Variants in C1orf159 observed in about 807,000 individuals in gnomAD.
The protein encoded by C1orf159 is uncharacterized protein C1orf159.
A neutral mutation model predicts 25.6 loss-of-function variants in C1orf159; 19 were observed. The ratio of observed to expected loss-of-function variants is 0.74; its 90% CI spans 0.52 to 1.09. C1orf159 has a LOEUF of 1.09. C1orf159 is among the 50% of genes least tolerant of loss of function. The pLI is 0.00. For missense variants in C1orf159, 274 were observed against 290.6 expected (o/e 0.94, Z 0.42); for synonymous variants, 139 against 124.7 (o/e 1.12, Z -0.77).
chr1:1,083,181 A>G, intron 9 of C1orf159, 194 bp from the exon 10 acceptor site: 2 of 554,908 alleles, frequency 3.6e-6, no homozygotes, highest in East Asian at 3.1e-5. Context: ...CGGGAAAGGG[A>G]CGGCTTCCTC....
chr1:1,093,941 T>TAC (rs1645975769), intron 1 of C1orf159, among the ~76,000 whole-genome samples: 1 of 152,042 alleles, frequency 6.6e-6, no homozygotes, highest in Non-Finnish European at 1.5e-5. Flanking sequence ...TGTGCAGGAG[T>TAC]ATCTCTGTGT....
intron 1 of C1orf159, among the ~76,000 whole-genome samples, chr1:1,099,472 T>C (rs1380095890): frequency 1.4e-3 from 119 of 85,158 alleles, no homozygotes; most frequent in African/African-American, 9.8e-3. Flanking sequence ...TTCTAAGAAT[T>C]GCAGAGAGAG....
At chr1:1,083,918 GC>G in intron 9 of C1orf159, 1 of 1,581,966 alleles carries the variant, frequency 6.3e-7, no homozygotes, top group Non-Finnish European at 8.6e-7. Context: ...TCCTAACCGG[GC>G]TGACTCTTGG....
At chr1:1,105,330 G>A (rs1200975427) in intron 1 of C1orf159, among the ~76,000 whole-genome samples, 2 of 151,842 alleles carry the variant, frequency 1.3e-5, no homozygotes, top group Non-Finnish European at 2.9e-5. Flanking sequence ...AGACCGGCCT[G>A]GGCAATACAC....
At position 1,115,362 on chromosome 1, in the gene C1orf159, A is replaced by G. The variant is rs111900316; in HGVS notation, c.-136+698T>C. ...AAACAAATCCTAAAGCCTCGCGGGA[A>G]AAAGACCTGAATCGTGGCCGACTTC... is the stretch of plus-strand genomic sequence containing the variant. On this transcript the variant is annotated intron_variant, in intron 1 of 9. Transcript: ENST00000421241. Among the ~76,000 whole-genome samples, 638 of 152,292 alleles carry G rather than the reference A, an allele frequency of 4.2e-3. 5 individuals carry two copies. The highest frequency in any genetic ancestry group is 0.014 in the African/African-American group (602 of 41,560).
At chr1:1,107,917 AAC>A (rs1423538053) in intron 1 of C1orf159, among the ~76,000 whole-genome samples, 8 of 152,194 alleles carry the variant, frequency 5.3e-5, no homozygotes, top group African/African-American at 1.9e-4. Flanking sequence ...AGAAACTCCA[AAC>A]ACATCTGAAC....
chr1:1,114,755 C>T lies in C1orf159; in HGVS notation c.-136+1305G>A, dbSNP rs79140264. Reference sequence around the variant, plus strand: ...CGCATCACTGAACATCCCAGGCGGCCGCCCCTACCCTGGGGCTCAAAACCG... The same window carrying T: ...CGCATCACTGAACATCCCAGGCGGCTGCCCCTACCCTGGGGCTCAAAACCG... On this transcript the variant is annotated intron_variant, in intron 1 of 9. Coordinates refer to ENST00000421241, the MANE Select transcript of C1orf159 (RefSeq NM_017891.5). Among the ~76,000 whole-genome samples the T allele has an allele frequency of 7.2e-3, 1,097 of 152,196 alleles. 10 individuals are homozygous for T. The highest frequency in any genetic ancestry group is 0.031 in the Middle Eastern group (9 of 294).
At chr1:1,112,561 T>C (rs531780799) in intron 1 of C1orf159, among the ~76,000 whole-genome samples, 36 of 149,192 alleles carry the variant, frequency 2.4e-4, no homozygotes, top group African/African-American at 9.0e-4. Flanking sequence ...CTCCCTCCAG[T>C]GAACACACAG....
At position 1,089,053 on chromosome 1, in the gene C1orf159, G is replaced by A. The variant is rs1448876415; in HGVS notation, c.148+1300C>T. ...GTCCACGGCAGGGAGCCAAACACCA[G>A]CGCAGCACTGTCCCCAGAAGTGCCC... On this transcript the variant is annotated intron_variant, in intron 4 of 9. Coordinates refer to ENST00000421241, the MANE Select transcript of C1orf159 (RefSeq NM_017891.5). This position sits in a 1 kb window ranked among gnomAD's most constrained non-coding sequence, Gnocchi z 7.5. Among the ~76,000 whole-genome samples the A allele has an allele frequency of 6.6e-6, 1 of 152,220 alleles. No individual in the cohort carries two copies. The highest frequency in any genetic ancestry group is 1.5e-5 in the Non-Finnish European group (1 of 68,024).
intron 1 of C1orf159, among the ~76,000 whole-genome samples, chr1:1,098,038 TTTC>T (rs945513444): frequency 5.9e-5 from 9 of 152,166 alleles, no homozygotes; most frequent in Admixed American, 3.9e-4. Flanking sequence ...GGAAATATTT[TTTC>T]TTCTTCTGTT....
intron 2 of C1orf159, 25 bp from the exon 3 acceptor site, chr1:1,091,590 G>C: frequency 6.7e-7 from 1 of 1,495,670 alleles, no homozygotes; most frequent in Non-Finnish European, 9.0e-7. Flanking sequence ...AGCATGCGGA[G>C]CCAAAGAGAT....
At chr1:1,112,033 G>A (rs190185487) in intron 1 of C1orf159, among the ~76,000 whole-genome samples, 35 of 152,312 alleles carry the variant, frequency 2.3e-4, no homozygotes, top group Admixed American at 1.5e-3. Flanking sequence ...CACCGGAGTC[G>A]GGCGGTTGCC....
In C1orf159 at chr1:1,090,394, C is replaced by A; in HGVS notation, c.107G>T (p.Gly36Val). ...QLPECCVDVV[G>V]VNASCPGASL... ...TGCGCCTGGGCAGCTGGCGTTGACGCCCACCACATCCACACAGCACTCGGG... is the reference window on the plus strand; with the variant it reads ...TGCGCCTGGGCAGCTGGCGTTGACGACCACCACATCCACACAGCACTCGGG... Residue 36 changes from glycine (G) to valine (V), a missense_variant, in exon 4 of 10, where the codon GGC (glycine) becomes GTC (valine). Gly to Val is a moderately radical substitution (Grantham distance 109, BLOSUM62 -3). Transcript: ENST00000421241. The A allele has an allele frequency of 6.4e-7, 1 of 1,550,486 alleles. No individual in the cohort carries two copies. Among genetic ancestry groups the A allele is most frequent in the Non-Finnish European group, 8.7e-7 (1 of 1,146,952 alleles).
chr1:1,090,510 C>T lies in C1orf159; in HGVS notation c.73-82G>A, dbSNP rs530807127. The T allele has an allele frequency of 1.2e-3, 1,609 of 1,376,838 alleles. 1 individual carries two copies. The highest frequency in any genetic ancestry group is 1.4e-3 in the Non-Finnish European group (1,403 of 992,478). 85.3% of individuals were successfully genotyped at this position (1,376,838 alleles called of 1,614,324 possible). ...CAGAGCAGCAGCGGCTGAGGGGTGC[C>T]GTGGGAGCACATCTCAATGTCCGCA... On this transcript the variant is annotated intron_variant, in intron 3 of 9. Coordinates refer to ENST00000421241, the MANE Select transcript of C1orf159 (RefSeq NM_017891.5).
At chr1:1,091,359 C>G (rs1645931181) in intron 3 of C1orf159, 113 bp downstream of exon 3, 2 of 1,040,846 alleles carry the variant, frequency 1.9e-6, no homozygotes, top group Non-Finnish European at 2.9e-6. Context: ...ACCTCTGGGG[C>G]TGGGACATCA....
chr1:1,099,119 G>A (rs111531431), intron 1 of C1orf159, among the ~76,000 whole-genome samples: 2 of 118,182 alleles, frequency 1.7e-5, no homozygotes, highest in East Asian at 4.9e-4. Context: ...AATCTCTGAC[G>A]ATGATTGTGG....
intron 9 of C1orf159, chr1:1,083,355 G>A (rs184617802): frequency 4.3e-5 from 10 of 233,086 alleles, no homozygotes; most frequent in Admixed American, 1.5e-4. Flanking sequence ...TTTAGAAGAA[G>A]GGGCTTTGCA....
intron 1 of C1orf159, among the ~76,000 whole-genome samples, 177 bp downstream of exon 1, chr1:1,115,883 G>C (rs926411156): frequency 2.0e-5 from 3 of 150,096 alleles, no homozygotes; most frequent in Non-Finnish European, 4.5e-5. Flanking sequence ...GGGCCCAGGC[G>C]CTGGCGGCTC....
intron 1 of C1orf159, among the ~76,000 whole-genome samples, chr1:1,112,516 C>G (rs1301527294): frequency 6.7e-6 from 1 of 150,262 alleles, no homozygotes; most frequent in Non-Finnish European, 1.5e-5. Flanking sequence ...ACGGCACATG[C>G]TCCCTCCCTC....
Sources: allele counts gnomAD v4.1 joint callset (sites outside exome capture counted in the v4.1 genomes callset), GRCh38; gene constraint gnomAD v4.1.1; non-coding constraint Gnocchi (gnomAD v3.1); transcripts MANE v1.5; gene names NCBI Gene and HGNC (gene_info 2026-07-23, HGNC 2026-07-21).